Variants in CCDC198 observed in about 807,000 individuals in gnomAD.
The protein encoded by CCDC198 is coiled-coil domain containing 198, also known as factor associated with metabolism and energy.
Under a neutral mutation model 35.6 loss-of-function variants are expected in CCDC198, and 18 were observed. The ratio of observed to expected loss-of-function variants is 0.51; its 90% CI spans 0.35 to 0.75. The LOEUF (loss-of-function observed/expected upper bound fraction) is 0.75, where lower values mean the gene tolerates loss of function less well. CCDC198 is among the 30% of genes least tolerant of loss of function. CCDC198 has a pLI of 0.01. For missense variants in CCDC198, 365 were observed against 343.7 expected (o/e 1.06, Z -0.49); for synonymous variants, 119 against 113.4 (o/e 1.05, Z -0.31).
intron 2 of CCDC198, among the ~76,000 whole-genome samples, chr14:57,488,442 A>C (rs888390771): frequency 4.6e-5 from 7 of 152,238 alleles, no homozygotes; most frequent in South Asian, 2.1e-4. Context: ...CAGGGAGTGC[A>C]CTTTGAGTGC....
At chr14:57,485,322 G>A (rs1436290054) in intron 2 of CCDC198, among the ~76,000 whole-genome samples, 1 of 152,064 alleles carries the variant, frequency 6.6e-6, no homozygotes, top group Non-Finnish European at 1.5e-5. Flanking sequence ...TGGTGAGGCT[G>A]GTGCCCAGGA....
intron 5 of CCDC198, among the ~76,000 whole-genome samples, chr14:57,478,104 A>G (rs1375028079): frequency 6.6e-6 from 1 of 152,028 alleles, no homozygotes; most frequent in East Asian, 1.9e-4. Flanking sequence ...TACTCCTTCT[A>G]TTCTCCCTTC....
intron 2 of CCDC198, among the ~76,000 whole-genome samples, chr14:57,483,460 C>G (rs1212725582): frequency 6.6e-6 from 1 of 152,128 alleles, no homozygotes; most frequent in Non-Finnish European, 1.5e-5. Context: ...ATCAAACCAC[C>G]AGGATCTTAG....
Position 57,493,488 on chromosome 14 carries a change from T to A in CCDC198, c.223+5A>T, listed in dbSNP as rs746276945. 59 of 1,611,598 alleles carry A rather than the reference T, an allele frequency of 3.7e-5. No individual in the cohort carries two copies. The highest frequency in any genetic ancestry group is 4.8e-5 in the Non-Finnish European group (57 of 1,177,920). On this transcript the variant is annotated splice_donor_5th_base_variant and intron_variant, in intron 1 of 5. Coordinates refer to ENST00000216445, the MANE Select transcript of CCDC198 (RefSeq NM_018168.4). ...CACACATCTCATGCTGGGTTTTATG[T>A]TTACCTGTAGAATATCTTCCATACC... is the stretch of plus-strand genomic sequence containing the variant.
At chr14:57,492,597 A>G (rs1258118380) in intron 1 of CCDC198, among the ~76,000 whole-genome samples, 1 of 152,066 alleles carries the variant, frequency 6.6e-6, no homozygotes, top group Non-Finnish European at 1.5e-5. Flanking sequence ...AAAACAGGCC[A>G]TATAGAAACA....
chr14:57,479,609 G>A (rs898110488), intron 5 of CCDC198, among the ~76,000 whole-genome samples: 2 of 152,260 alleles, frequency 1.3e-5, no homozygotes, highest in Non-Finnish European at 2.9e-5. Flanking sequence ...TTTGCCTTTT[G>A]TAATAAACTC....
chr14:57,486,885 G>A (rs982108433), intron 2 of CCDC198, among the ~76,000 whole-genome samples: 6 of 152,002 alleles, frequency 3.9e-5, no homozygotes. Context: ...CTCTCTCCAG[G>A]TTGAGTTTCT....
intron 2 of CCDC198, among the ~76,000 whole-genome samples, chr14:57,487,976 C>T (rs575156732): frequency 1.3e-5 from 2 of 152,236 alleles, no homozygotes; most frequent in Middle Eastern, 3.4e-3. Context: ...TGACTCTGCC[C>T]ACATATCTAC....
chr14:57,481,804 C>T (rs1210968019), intron 3 of CCDC198, 144 bp from the exon 4 acceptor site: 8 of 579,056 alleles, frequency 1.4e-5, no homozygotes, highest in African/African-American at 3.8e-5. Context: ...AGTGGACTAT[C>T]GTGTGTCCCT....
rs1594796119 is a variant in CCDC198 at position 57,480,833 on chromosome 14, T to G, written c.496-79A>C. On this transcript the variant is annotated intron_variant, in intron 4 of 5. Transcript: ENST00000216445. ...GACTAGATCAACAGATCAGCCACTT[T>G]GCAAGTTGTGTGCTTATCTGTAGAC... 3 of 1,466,144 alleles carry G rather than the reference T, an allele frequency of 2.0e-6. No homozygotes were observed. In the African/African-American group the frequency reaches 4.2e-5, roughly 21 times the overall value. 90.8% of individuals were successfully genotyped at this position (1,466,144 alleles called of 1,614,324 possible).
chr14:57,471,547 A>T lies in CCDC198; in HGVS notation c.699T>A (p.Asn233Lys). Residue 233 changes from asparagine (N) to lysine (K), a missense_variant, in exon 6 of 6, where the codon AAT (asparagine) becomes AAA (lysine). Transcript: ENST00000216445. ...NTEFLKHQAV[N>K]NYCPWKIGKM... ...TGCCAATTTTCCAGGGACAGTAGTT[A>T]TTCACTGCTTGATGTTTCAAAAATT... The T allele has an allele frequency of 1.2e-6, 2 of 1,612,170 alleles. No individual in the cohort carries two copies. Among genetic ancestry groups the T allele is most frequent in the Middle Eastern group, 1.7e-4 (1 of 6,032 alleles).
Position 57,475,105 on chromosome 14 carries a change from C to CA in CCDC198, c.656-3516dup, listed in dbSNP as rs1275185784. ...TGAACCCCCGTCTCTACTAAAAATA[C>CA]AAAAAATTAGCCGGGCATGGTGGCG... On this transcript the variant is annotated intron_variant, in intron 5 of 5. Coordinates refer to ENST00000216445, the MANE Select transcript of CCDC198 (RefSeq NM_018168.4). Among the ~76,000 whole-genome samples the CA allele has an allele frequency of 1.5e-3, 227 of 151,762 alleles. 1 individual carries two copies. Among genetic ancestry groups the CA allele is most frequent in the African/African-American group, 5.2e-3 (217 of 41,442 alleles).
intron 2 of CCDC198, among the ~76,000 whole-genome samples, chr14:57,483,495 A>G (rs1351705328): frequency 6.6e-6 from 1 of 152,208 alleles, no homozygotes; most frequent in African/African-American, 2.4e-5. Context: ...AAGAGGCGCT[A>G]GGAATTTATT....
Position 57,471,233 on chromosome 14 carries a change from T to C in CCDC198, c.*122A>G, listed in dbSNP as rs2066808864. 2 of 692,916 alleles carry C rather than the reference T, an allele frequency of 2.9e-6. No homozygotes were observed. Among genetic ancestry groups the C allele is most frequent in the African/African-American group, 1.8e-5 (1 of 55,766 alleles). 42.9% of individuals were successfully genotyped at this position (692,916 alleles called of 1,614,324 possible). On this transcript the variant is annotated 3_prime_UTR_variant, in exon 6 of 6. Transcript: ENST00000216445. Reference sequence around the variant, plus strand: ...CTTGTTAATCATAAGACTCTAAAGATATCATTTCTTTTTACCAAAGTGATT... The same window carrying C: ...CTTGTTAATCATAAGACTCTAAAGACATCATTTCTTTTTACCAAAGTGATT...
chr14:57,481,779 T>C (rs965271304), intron 3 of CCDC198, 119 bp from the exon 4 acceptor site: 5 of 636,700 alleles, frequency 7.9e-6, no homozygotes, highest in African/African-American at 7.3e-5. Context: ...TGTAGAGATA[T>C]CTTGTGATGA....
At chr14:57,486,533 G>A (rs968040221) in intron 2 of CCDC198, among the ~76,000 whole-genome samples, 15 of 151,928 alleles carry the variant, frequency 9.9e-5, no homozygotes, top group African/African-American at 3.4e-4. Context: ...ACAGGTCTGG[G>A]GTATGTCCTG....
chr14:57,469,326 A>G lies in CCDC198; in HGVS notation c.*2029T>C, dbSNP rs1362438966. 2.6e-5 allele frequency: 4 copies of G among 152,248 alleles called. No homozygotes were observed. Among genetic ancestry groups the G allele is most frequent in the African/African-American group, 9.6e-5 (4 of 41,468 alleles). The allele number at this position is 152,248 out of a possible 1,614,324, so 9.4% of individuals were successfully genotyped here. On this transcript the variant is annotated 3_prime_UTR_variant, in exon 6 of 6. Coordinates refer to ENST00000216445, the MANE Select transcript of CCDC198 (RefSeq NM_018168.4). The stretch of plus-strand genomic sequence containing the variant: ...TCATTAATTCAGCAAACATTTAATG[A>G]TAAACTCTTTGCCAGCTGTCCTGCT...
At chr14:57,479,551 G>C (rs939062651) in intron 5 of CCDC198, among the ~76,000 whole-genome samples, 1 of 152,186 alleles carries the variant, frequency 6.6e-6, no homozygotes, top group Non-Finnish European at 1.5e-5. Flanking sequence ...TGGCAATCTT[G>C]ATAAAATGCA....
rs375618909 is a variant in CCDC198, at chr14:57,478,965, G to A, written c.655+1630C>T. The A allele has an allele frequency of 1.6e-5, 21 of 1,288,902 alleles. No individual in the cohort carries two copies. The East Asian group carries it at 7.2e-4, about 44-fold the overall frequency. The allele number at this position is 1,288,902 out of a possible 1,614,324, so 79.8% of individuals were successfully genotyped here. On this transcript the variant is annotated intron_variant, in intron 5 of 5. Coordinates refer to ENST00000216445, the MANE Select transcript of CCDC198 (RefSeq NM_018168.4). ...TCAGTCCTGCTGATGTGGGGATTTG[G>A]CCCACGGCACAGCGATCTGTGTGTG...
Sources: gnomAD v4.1 joint callset for allele counts (sites outside exome capture counted in the v4.1 genomes callset) on GRCh38, gnomAD v4.1.1 for gene constraint, MANE v1.5 for transcripts, NCBI Gene and HGNC (gene_info 2026-07-23, HGNC 2026-07-21) for gene names.